The following CREB5 variants were observed in gnomAD, a reference collection of about 807,000 sequenced individuals.
CREB5 encodes cAMP responsive element binding protein 5, also known as cyclic AMP-responsive element-binding protein 5.
A neutral mutation model predicts 57.1 loss-of-function variants in CREB5; 19 were observed. That is an observed-to-expected ratio of 0.33 (90% CI 0.23 to 0.49). The LOEUF (loss-of-function observed/expected upper bound fraction) is 0.49. Ranked by LOEUF, CREB5 falls within the 20% of genes least tolerant of loss-of-function variation. CREB5 has a pLI of 0.99. For missense variants in CREB5, 579 were observed against 671.6 expected, an observed-to-expected ratio of 0.86 and a Z score of 1.52; for synonymous variants, 238 against 238.3, an observed-to-expected ratio of 1.00 and a Z score of 0.01.
intron 5 of CREB5, among the ~76,000 whole-genome samples, chr7:28,659,005 T>G (rs2128711913): frequency 1.1e-5 from 1 of 90,322 alleles, no homozygotes; most frequent in East Asian, 5.2e-4. Flanking sequence ...TAATTTATAA[T>G]AAGTTTTCAT....
chr7:28,694,646 T>G (rs1333954468), intron 5 of CREB5, among the ~76,000 whole-genome samples: 1 of 152,208 alleles, frequency 6.6e-6, no homozygotes, highest in Non-Finnish European at 1.5e-5. Context: ...TGGGGTCAAA[T>G]GGTCTTCCTG....
intron 1 of CREB5, among the ~76,000 whole-genome samples, chr7:28,345,314 C>G (rs181252561): frequency 1.1e-4 from 17 of 148,894 alleles, no homozygotes; most frequent in African/African-American, 4.2e-4. Flanking sequence ...AGTGTGACAA[C>G]TAACACAAAA....
At chr7:28,354,178 A>G (rs1786294481) in intron 1 of CREB5, among the ~76,000 whole-genome samples, 1 of 152,102 alleles carries the variant, frequency 6.6e-6, no homozygotes, top group African/African-American at 2.4e-5. Context: ...GTTAATACTG[A>G]GTGTCCACTT....
intron 1 of CREB5, among the ~76,000 whole-genome samples, chr7:28,476,391 T>C (rs56733614): frequency 0.17 from 26,339 of 152,180 alleles, 2,401 homozygotes; most frequent in South Asian, 0.27. Context: ...TGCGAGTTGA[T>C]TGTACTATAA....
intron 5 of CREB5, among the ~76,000 whole-genome samples, chr7:28,613,096 G>C (rs1328941468): frequency 6.6e-6 from 1 of 152,144 alleles, no homozygotes; most frequent in Non-Finnish European, 1.5e-5. Context: ...CCTGCTTACT[G>C]GGACTACAGA....
chr7:28,369,162 G>A (rs1007595818), intron 1 of CREB5, among the ~76,000 whole-genome samples: 2 of 152,208 alleles, frequency 1.3e-5, no homozygotes, highest in African/African-American at 2.4e-5. Context: ...TATACCCAAT[G>A]CTAAAAATGA....
chr7:28,658,951 G>GTA (rs71555759), intron 5 of CREB5, among the ~76,000 whole-genome samples: 1 of 46,982 alleles, frequency 2.1e-5, no homozygotes. Flanking sequence ...ATGTGTGTGT[G>GTA]TGTATATATA....
chr7:28,540,778 G>C (rs1400769123), intron 4 of CREB5, among the ~76,000 whole-genome samples: 3 of 152,190 alleles, frequency 2.0e-5, no homozygotes, highest in Non-Finnish European at 2.9e-5. Flanking sequence ...GTGATTGTAA[G>C]AAGGTCAGAA....
intron 5 of CREB5, among the ~76,000 whole-genome samples, chr7:28,711,941 C>A (rs1802416762): frequency 2.0e-5 from 3 of 152,088 alleles, no homozygotes; most frequent in African/African-American, 7.2e-5. Flanking sequence ...ATAATAGTGA[C>A]AAAAATAACC....
At chr7:28,678,367 G>A (rs1358232458) in intron 5 of CREB5, among the ~76,000 whole-genome samples, 3 of 151,878 alleles carry the variant, frequency 2.0e-5, no homozygotes, top group East Asian at 1.9e-4. Flanking sequence ...CAGCCTGGGC[G>A]ACAGAGTGAG....
chr7:28,623,449 G>A (rs934127949), intron 5 of CREB5, among the ~76,000 whole-genome samples: 46 of 152,120 alleles, frequency 3.0e-4, no homozygotes, highest in African/African-American at 1.1e-3. Context: ...CTGAAATGCC[G>A]CTTCTCTGTT....
intron 5 of CREB5, among the ~76,000 whole-genome samples, chr7:28,687,716 T>TG (rs1343146628): frequency 6.6e-6 from 1 of 152,022 alleles, no homozygotes; most frequent in Non-Finnish European, 1.5e-5. Flanking sequence ...ACGCATGTTT[T>TG]GGATATCATT....
At chr7:28,494,813 C>A in intron 2 of CREB5, 93 bp from the exon 3 acceptor site, 1 of 745,074 alleles carries the variant, frequency 1.3e-6, no homozygotes, top group Non-Finnish European at 2.1e-6. Context: ...GTTTGCAATG[C>A]TAAATAAGTC....
At chr7:28,567,090 A>G (rs1198270188) in intron 4 of CREB5, among the ~76,000 whole-genome samples, 1 of 152,190 alleles carries the variant, frequency 6.6e-6, no homozygotes, top group Non-Finnish European at 1.5e-5. Flanking sequence ...TCCATGGTGG[A>G]TGTAAACAAT....
At chr7:28,800,412 G>A (rs1229210700) in intron 7 of CREB5, among the ~76,000 whole-genome samples, 1 of 152,198 alleles carries the variant, frequency 6.6e-6, no homozygotes, top group African/African-American at 2.4e-5. Context: ...CTGACGGGAA[G>A]GCAGGCCTAC....
At chr7:28,518,742 C>T (rs996384873) in intron 4 of CREB5, among the ~76,000 whole-genome samples, 2 of 152,188 alleles carry the variant, frequency 1.3e-5, no homozygotes, top group African/African-American at 2.4e-5. Flanking sequence ...CCCATGCTGC[C>T]AGGCCACCTG....
intron 5 of CREB5, among the ~76,000 whole-genome samples, chr7:28,603,208 G>T (rs1261872630): frequency 2.0e-5 from 3 of 152,096 alleles, no homozygotes; most frequent in African/African-American, 7.2e-5. Context: ...AGCATCCAAA[G>T]GTCAGCAACT....
rs80349184 is a variant in CREB5 at position 28,658,224 on chromosome 7, G to A, written c.465-60529G>A. Among the ~76,000 whole-genome samples the A allele has an allele frequency of 6.6e-3, 1,003 of 152,182 alleles. 13 individuals are homozygous for A. Among genetic ancestry groups the A allele is most frequent in the African/African-American group, 0.023 (970 of 41,514 alleles). On this transcript the variant is annotated intron_variant, in intron 5 of 10. Transcript: ENST00000357727. ...TTTTGGAGCCATTTCTCTCATGCAC[G>A]CCCCAGACTTGTTTTTCAAAGAATC...
chr7:28,677,395 T>A (rs1437240941), intron 5 of CREB5, among the ~76,000 whole-genome samples: 1 of 152,050 alleles, frequency 6.6e-6, no homozygotes, highest in Non-Finnish European at 1.5e-5. Flanking sequence ...TTTAATCTAT[T>A]CCCCAGACAT....
Sources: allele counts gnomAD v4.1 joint callset (sites outside exome capture counted in the v4.1 genomes callset), GRCh38; gene constraint gnomAD v4.1.1; transcripts MANE v1.5; gene names NCBI Gene and HGNC (gene_info 2026-07-23, HGNC 2026-07-21).